OR2T2: variants seen among roughly 807,000 people sequenced by gnomAD.
The protein encoded by OR2T2 is olfactory receptor 2T2.
For synonymous variants in OR2T2, 50 were observed against 162.7 expected, an observed-to-expected ratio of 0.31 and a Z score of 5.27; for missense variants, 138 against 409.1, an observed-to-expected ratio of 0.34 and a Z score of 5.72.
intron 2 of OR2T2, among the ~76,000 whole-genome samples, chr1:248,450,487 C>G (rs1328241918): frequency 6.7e-6 from 1 of 148,634 alleles, no homozygotes. Context: ...ACGTTCTTAT[C>G]CTTTTATCAT....
At chr1:248,453,661 A>T in exon 3 of OR2T2, 1 of 1,598,382 alleles carries the variant, frequency 6.3e-7, no homozygotes, top group Non-Finnish European at 8.5e-7. Context: ...TGCTCAACCC[A>T]CTCATCTACA....
chr1:248,450,389 G>A (rs1198730824), intron 2 of OR2T2, among the ~76,000 whole-genome samples: 2 of 145,106 alleles, frequency 1.4e-5, no homozygotes, highest in Non-Finnish European at 3.0e-5. Flanking sequence ...TAAAAATGAG[G>A]TGGCTAAAAT....
intron 2 of OR2T2, among the ~76,000 whole-genome samples, chr1:248,452,540 AC>A (rs1407684040): frequency 7.8e-6 from 1 of 127,702 alleles, no homozygotes; most frequent in African/African-American, 3.7e-5. Context: ...TTTACATCTC[AC>A]ATCCAGCCTG....
At chr1:248,452,785 C>A (rs367832766) in exon 3 of OR2T2, 62 of 1,613,026 alleles carry the variant, frequency 3.8e-5, no homozygotes, top group Non-Finnish European at 5.1e-5. Context: ...GCCCAAGGAG[C>A]TTGTCATGGA....
intron 2 of OR2T2, among the ~76,000 whole-genome samples, chr1:248,451,479 TTG>T (rs1558340154): frequency 8.4e-6 from 1 of 118,970 alleles, no homozygotes; most frequent in Non-Finnish European, 1.6e-5. Flanking sequence ...TTTTGTTTTC[TTG>T]TTTTGTTTTT....
chr1:248,453,789 A>G (rs752589745), exon 3 of OR2T2: 3 of 1,512,224 alleles, frequency 2.0e-6, no homozygotes, highest in Non-Finnish European at 1.8e-6. Context: ...CTCCCACAGC[A>G]TCAGAGTGGT....
chr1:248,450,667 ATTT>A (rs1453678278), intron 2 of OR2T2, among the ~76,000 whole-genome samples: 1 of 152,124 alleles, frequency 6.6e-6, no homozygotes, highest in Non-Finnish European at 1.5e-5. Flanking sequence ...CTCAAAGTAT[ATTT>A]TTAAAAGGAT....
chr1:248,449,825 T>TTTC (rs1462399178), intron 2 of OR2T2, among the ~76,000 whole-genome samples: 2 of 127,030 alleles, frequency 1.6e-5, no homozygotes, highest in African/African-American at 9.9e-5. Flanking sequence ...TCTTTTTCTT[T>TTTC]TTCTTTTTTT....
At chr1:248,446,126 G>A (rs895946063) in intron 1 of OR2T2, among the ~76,000 whole-genome samples, 16 of 144,768 alleles carry the variant, frequency 1.1e-4, no homozygotes, top group Non-Finnish European at 1.8e-4. Flanking sequence ...TATGCATTTA[G>A]GTGTGGCTGA....
Position 248,450,277 on chromosome 1 carries a change from TGCTCACAC to T in OR2T2, c.-22-2498_-22-2491del, listed in dbSNP as rs561945364. 7.3e-5 allele frequency among the ~76,000 whole-genome samples: 10 copies of T among 137,758 alleles called. No homozygotes were observed. In the East Asian group the frequency reaches 2.2e-3, roughly 31 times the overall value. 90.4% of individuals were successfully genotyped at this position (137,758 alleles called of 152,430 possible). A position where few individuals can be genotyped will look rare whatever the true frequency, so the allele number is the denominator to read the frequency against. ...ACAGATGCACACACCACACATACCA[TGCTCACAC>T]ACTCACATATGAACACACTACACAC... is the stretch of plus-strand genomic sequence containing the variant. On this transcript the variant is annotated intron_variant, in intron 2 of 2. Transcript: ENST00000642130.
At chr1:248,450,084 C>T (rs1358733404) in intron 2 of OR2T2, among the ~76,000 whole-genome samples, 1 of 148,330 alleles carries the variant, frequency 6.7e-6, no homozygotes, top group Non-Finnish European at 1.5e-5. Flanking sequence ...TCCCTGTCTA[C>T]TTGCAATGCC....
At chr1:248,449,829 T>TTTTTCTTTTTC (rs781128922) in intron 2 of OR2T2, among the ~76,000 whole-genome samples, 2 of 98,356 alleles carry the variant, frequency 2.0e-5, no homozygotes, top group African/African-American at 1.0e-4. Context: ...TTTCTTTTTC[T>TTTTTCTTTTTC]TTTTTTTTTT....
At position 248,446,543 on chromosome 1, in the gene OR2T2, C is replaced by G. The variant is rs750214909; in HGVS notation, c.-245-46C>G. ...CTCGCCTCACCTCGCCTCTGCTGCT[C>G]CTGTGTAATCCTCCATTCCCTTACT... On this transcript the variant is annotated intron_variant, in intron 1 of 2. Transcript: ENST00000642130. 2.6e-4 allele frequency: 38 copies of G among 146,356 alleles called. 2 individuals are homozygous for G. Among genetic ancestry groups the G allele is most frequent in the Non-Finnish European group, 4.4e-4 (30 of 68,240 alleles). The allele number at this position is 146,356 out of a possible 1,614,324, so 9.1% of individuals were successfully genotyped here. A position where few individuals can be genotyped will look rare whatever the true frequency, so the allele number is the denominator to read the frequency against.
At chr1:248,451,449 ATTTC>A (rs1399799894) in intron 2 of OR2T2, among the ~76,000 whole-genome samples, 2 of 106,058 alleles carry the variant, frequency 1.9e-5, no homozygotes, top group Admixed American at 8.6e-5. Context: ...GAGTTCAGAA[ATTTC>A]TTTACCATCT....
intron 2 of OR2T2, among the ~76,000 whole-genome samples, chr1:248,450,711 T>TA (rs1662778175): frequency 6.6e-6 from 1 of 151,962 alleles, no homozygotes; most frequent in Non-Finnish European, 1.5e-5. Context: ...CTATAGTAAT[T>TA]AATGTATAAT....
At chr1:248,450,473 G>C (rs1662771124) in intron 2 of OR2T2, among the ~76,000 whole-genome samples, 1 of 147,688 alleles carries the variant, frequency 6.8e-6, no homozygotes, top group Non-Finnish European at 1.5e-5. Flanking sequence ...TCTAGGAGTT[G>C]AAAACGTTCT....
At chr1:248,450,284 A>T (rs1345805321) in intron 2 of OR2T2, among the ~76,000 whole-genome samples, 3 of 132,602 alleles carry the variant, frequency 2.3e-5, no homozygotes, top group African/African-American at 9.8e-5. Context: ...CCATGCTCAC[A>T]CACTCACATA....
Position 248,453,099 on chromosome 1 carries a change from A to G in OR2T2, c.302A>G (p.Gln101Arg). The change falls in exon 3 of 3, where the codon CAG becomes CGG. Residue 101 changes from glutamine (Q) to arginine (R), a missense_variant. Gln to Arg is a conservative substitution (Grantham distance 43). Coordinates refer to ENST00000642130, the Ensembl canonical transcript of OR2T2. ...ATTTCCTTCCTGGGCTGTGCAGTTCAGATCTTCCTCTACCTGACCCTGATT... is the reference window on the plus strand; with the variant it reads ...ATTTCCTTCCTGGGCTGTGCAGTTCGGATCTTCCTCTACCTGACCCTGATT... 1 of 1,613,204 alleles carries G rather than the reference A, an allele frequency of 6.2e-7. No individual in the cohort carries two copies. Among genetic ancestry groups the G allele is most frequent in the Non-Finnish European group, 8.5e-7 (1 of 1,179,746 alleles).
At chr1:248,449,699 A>G (rs956024013) in intron 2 of OR2T2, among the ~76,000 whole-genome samples, 1 of 126,714 alleles carries the variant, frequency 7.9e-6, no homozygotes, top group Admixed American at 7.5e-5. Flanking sequence ...GTGATGTTAT[A>G]ACTGGTCCTG....
Sources: gnomAD v4.1 joint callset for allele counts (sites outside exome capture counted in the v4.1 genomes callset) on GRCh38, gnomAD v4.1.1 for gene constraint, MANE v1.5 for transcripts, NCBI Gene and HGNC (gene_info 2026-07-23, HGNC 2026-07-21) for gene names.